The following OPCML variants were observed in gnomAD, a reference collection of about 807,000 sequenced individuals.
OPCML encodes opioid-binding protein/cell adhesion molecule.
Under a neutral mutation model 37.8 loss-of-function variants are expected in OPCML, and 13 were observed. That is an observed-to-expected ratio of 0.34 (90% CI 0.22 to 0.55). The LOEUF is 0.55. Ranked by LOEUF, OPCML falls within the 20% of genes least tolerant of loss-of-function variation. OPCML has a pLI of 0.91. For synonymous variants in OPCML, 176 were observed against 168.8 expected (o/e 1.04, Z -0.33); for missense variants, 341 against 435.6 (o/e 0.78, Z 1.93).
chr11:133,501,198 C>A (rs571844373), intron 1 of OPCML, among the ~76,000 whole-genome samples: 1 of 152,138 alleles, frequency 6.6e-6, no homozygotes, highest in Admixed American at 6.5e-5. Flanking sequence ...CAGATTCACC[C>A]GTCCAGCTTC....
intron 2 of OPCML, among the ~76,000 whole-genome samples, chr11:132,852,205 G>A (rs1018082176): frequency 2.0e-5 from 3 of 152,094 alleles, no homozygotes; most frequent in Non-Finnish European, 4.4e-5. Context: ...TAGTATATAA[G>A]CACTTAGACC....
At chr11:133,341,315 G>A (rs1255564963) in intron 1 of OPCML, among the ~76,000 whole-genome samples, 2 of 152,198 alleles carry the variant, frequency 1.3e-5, no homozygotes, top group Non-Finnish European at 2.9e-5. Context: ...CTTAATTTCT[G>A]TGAGTCTCAG....
chr11:133,386,872 G>A (rs2136798003), intron 1 of OPCML, among the ~76,000 whole-genome samples: 1 of 152,318 alleles, frequency 6.6e-6, no homozygotes, highest in South Asian at 2.1e-4. Flanking sequence ...TGACACTTAG[G>A]GGTGTCCGTG....
chr11:133,506,444 C>T (rs61912411), intron 1 of OPCML, among the ~76,000 whole-genome samples: 2,500 of 152,274 alleles, frequency 0.016, 39 homozygotes, highest in Non-Finnish European at 0.024. Context: ...GACATGAGCT[C>T]ACTAATCCCC....
At chr11:133,195,955 A>G (rs1340253060) in intron 1 of OPCML, among the ~76,000 whole-genome samples, 1 of 152,222 alleles carries the variant, frequency 6.6e-6, no homozygotes, top group African/African-American at 2.4e-5. Context: ...AAGCAATTCC[A>G]AATGCTTCCT....
chr11:132,640,805 C>T (rs1940809132), intron 3 of OPCML, among the ~76,000 whole-genome samples: 2 of 152,056 alleles, frequency 1.3e-5, no homozygotes, highest in Admixed American at 6.6e-5. Context: ...GAAGAGAGAG[C>T]CCTGAACCAA....
At chr11:133,116,033 G>A (rs753043075) in intron 1 of OPCML, among the ~76,000 whole-genome samples, 15 of 152,120 alleles carry the variant, frequency 9.9e-5, no homozygotes, top group Non-Finnish European at 1.6e-4. Context: ...GCAGTGGAAC[G>A]ATCTCGGCTC....
intron 1 of OPCML, among the ~76,000 whole-genome samples, chr11:133,291,324 G>A (rs1349004080): frequency 6.6e-6 from 1 of 152,212 alleles, no homozygotes; most frequent in African/African-American, 2.4e-5. Context: ...CGGTTAAAGA[G>A]GATGCAGGAA....
intron 1 of OPCML, among the ~76,000 whole-genome samples, chr11:133,310,785 A>C (rs898126870): frequency 4.0e-5 from 6 of 151,732 alleles, no homozygotes; most frequent in African/African-American, 1.5e-4. Flanking sequence ...ACAGCATCTC[A>C]CTCTCACCTA....
At position 133,173,422 on chromosome 11, in the gene OPCML, G is replaced by T. The variant is rs1950314749; in HGVS notation, c.62-230412C>A. ...TGTTGCACACTGTAAGAACTTAAAA[G>T]AATAATAAATCGAGTGAACAAATAA... On this transcript the variant is annotated intron_variant, in intron 1 of 7. Transcript: ENST00000524381. The surrounding 1 kb of genome is among the most constrained non-coding windows in gnomAD (Gnocchi z 7.8). Among the ~76,000 whole-genome samples, 1 of 152,142 alleles carries T rather than the reference G, an allele frequency of 6.6e-6. No homozygotes were observed. Among genetic ancestry groups the T allele is most frequent in the South Asian group, 2.1e-4 (1 of 4,828 alleles).
In OPCML at chr11:133,173,997, G is replaced by C. The variant is rs1353674784; in HGVS notation, c.62-230987C>G. Among the ~76,000 whole-genome samples the C allele has an allele frequency of 6.6e-6, 1 of 152,220 alleles. No homozygotes were observed. The highest frequency in any genetic ancestry group is 1.5e-5 in the Non-Finnish European group (1 of 68,044). ...TGCACCGGGACGCTGACATAAATCAGGGGCAGCAACGGATGAGCATGGAGA... is the reference window on the plus strand; with the variant it reads ...TGCACCGGGACGCTGACATAAATCACGGGCAGCAACGGATGAGCATGGAGA... On this transcript the variant is annotated intron_variant, in intron 1 of 7. Transcript: ENST00000524381. The surrounding 1 kb of genome is among the most constrained non-coding windows in gnomAD (Gnocchi z 7.8).
chr11:133,167,465 A>T (rs935773516), intron 1 of OPCML, among the ~76,000 whole-genome samples: 4 of 151,252 alleles, frequency 2.6e-5, no homozygotes, highest in African/African-American at 9.7e-5. Flanking sequence ...ATCTCTGACC[A>T]CTATGGACCC....
chr11:133,240,917 A>C (rs972740431), intron 1 of OPCML, among the ~76,000 whole-genome samples: 3 of 152,224 alleles, frequency 2.0e-5, no homozygotes, highest in African/African-American at 7.2e-5. Flanking sequence ...CTCCATATCC[A>C]GTCGGTCACT....
intron 1 of OPCML, among the ~76,000 whole-genome samples, chr11:133,204,757 T>C (rs773625118): frequency 1.3e-5 from 2 of 151,752 alleles, no homozygotes; most frequent in Non-Finnish European, 2.9e-5. Flanking sequence ...AGCTGTTATT[T>C]CTCAGAAACA....
At chr11:132,503,186 T>A (rs1181479983) in intron 4 of OPCML, among the ~76,000 whole-genome samples, 7 of 152,156 alleles carry the variant, frequency 4.6e-5, no homozygotes, top group Non-Finnish European at 1.0e-4. Flanking sequence ...TTAACAATAT[T>A]TTTGCATCTC....
chr11:133,037,569 G>C (rs1947805188), intron 1 of OPCML, among the ~76,000 whole-genome samples: 1 of 152,146 alleles, frequency 6.6e-6, no homozygotes. Context: ...AGATCATTTT[G>C]CCACCTTTTT....
chr11:133,112,384 T>C (rs777622427), intron 1 of OPCML, among the ~76,000 whole-genome samples: 4 of 148,864 alleles, frequency 2.7e-5, no homozygotes, highest in Non-Finnish European at 4.4e-5. Context: ...TAAACGTTGA[T>C]ACTAAAAATC....
At chr11:132,636,090 C>T (rs922934338) in intron 3 of OPCML, among the ~76,000 whole-genome samples, 3 of 152,098 alleles carry the variant, frequency 2.0e-5, no homozygotes, top group African/African-American at 4.8e-5. Flanking sequence ...GAGTGTTTTG[C>T]GCACCCAGTT....
rs555827458 is a variant in OPCML at position 132,910,273 on chromosome 11, A to T, written c.146+32653T>A. ...AGGGCTGGGGGTAGGGGGCCTCAGC[A>T]CATATTCGCCGGCCATTATGCCCCC... On this transcript the variant is annotated intron_variant, in intron 2 of 7. Transcript: ENST00000524381. Among the ~76,000 whole-genome samples, 6 of 152,340 alleles carry T rather than the reference A, an allele frequency of 3.9e-5. No individual in the cohort carries two copies. In the South Asian group the frequency reaches 1.2e-3, roughly 32 times the overall value.
Sources: gnomAD v4.1 joint callset for allele counts (sites outside exome capture counted in the v4.1 genomes callset) on GRCh38, gnomAD v4.1.1 for gene constraint, Gnocchi (gnomAD v3.1) non-coding constraint, MANE v1.5 for transcripts, NCBI Gene and HGNC (gene_info 2026-07-23, HGNC 2026-07-21) for gene names.